MACF1: variants seen among roughly 807,000 people sequenced by gnomAD.
MACF1 encodes microtubule-actin cross-linking factor 1.
Under a neutral mutation model 854.8 loss-of-function variants are expected in MACF1, and 193 were observed. That is an observed-to-expected ratio of 0.23 (90% CI 0.20 to 0.25). The LOEUF (loss-of-function observed/expected upper bound fraction) is 0.25, where lower values mean the gene tolerates loss of function less well. Ranked by LOEUF, MACF1 falls within the 10% of genes least tolerant of loss-of-function variation. The pLI is 1.00. For missense variants in MACF1, 7,722 were observed against 8,929.1 expected, an observed-to-expected ratio of 0.86 and a Z score of 5.45; for synonymous variants, 3,185 against 3,226.7, an observed-to-expected ratio of 0.99 and a Z score of 0.44.
chr1:39,186,424 G>A lies in MACF1; in HGVS notation c.221-44758G>A, dbSNP rs186786908. 4.0e-3 allele frequency among the ~76,000 whole-genome samples: 599 copies of A among 151,642 alleles called. 2 individuals are homozygous for A. Among genetic ancestry groups the A allele is most frequent in the Non-Finnish European group, 6.1e-3 (413 of 67,888 alleles). ...TGGGATTACAGGCACGCGCCACCAC[G>A]CCCGGCCTAGAAATGACTTTTTTAG... On this transcript the variant is annotated intron_variant, in intron 2 of 93. Coordinates refer to the MACF1 transcript ENST00000361689.
intron 2 of MACF1, among the ~76,000 whole-genome samples, chr1:39,118,019 G>A (rs1382720854): frequency 1.4e-4 from 21 of 152,172 alleles, no homozygotes; most frequent in Admixed American, 1.4e-3. Context: ...AGTCATGCAG[G>A]ACCTTTTTGC....
At chr1:39,367,247 A>AT (rs1648800925) in intron 49 of MACF1, among the ~76,000 whole-genome samples, 2 of 151,938 alleles carry the variant, frequency 1.3e-5, no homozygotes, top group Admixed American at 1.3e-4. Flanking sequence ...GTGCCTGGCC[A>AT]TACAAATATA....
chr1:39,431,111 C>T (rs1437556595), intron 66 of MACF1, among the ~76,000 whole-genome samples: 2 of 152,090 alleles, frequency 1.3e-5, no homozygotes, highest in South Asian at 2.1e-4. Flanking sequence ...TACTTGACCC[C>T]TTTGAGTAGA....
chr1:39,092,278 G>A (rs1641827171), intron 2 of MACF1, among the ~76,000 whole-genome samples: 1 of 152,188 alleles, frequency 6.6e-6, no homozygotes, highest in African/African-American at 2.4e-5. Flanking sequence ...AATCTAGACG[G>A]TGGTTTGGGG....
In MACF1 at chr1:39,283,443, A is replaced by G. The variant is rs756765277; in HGVS notation, c.843A>G (p.Val281=). The change falls in exon 9 of 101, where the codon GTA becomes GTG. Residue 281 remains valine, a synonymous_variant. Transcript: ENST00000564288. The surrounding 1 kb of genome is among the most constrained non-coding windows in gnomAD (Gnocchi z 4.5). ...TGCCATCTCCAGATGAAAAGTCTGTAATCACTTATGTGTCTTCGATTTATG... is the reference window on the plus strand; with the variant it reads ...TGCCATCTCCAGATGAAAAGTCTGTGATCACTTATGTGTCTTCGATTTATG... ...VDVPSPDEKS[V]ITYVSSIYDA... is the part of the protein sequence containing the mutation. 15 of 1,612,824 alleles carry G rather than the reference A, an allele frequency of 9.3e-6. No individual in the cohort carries two copies. Among genetic ancestry groups the G allele is most frequent in the Middle Eastern group, 1.7e-4 (1 of 6,060 alleles).
At chr1:39,262,147 A>G (rs1475965731) in intron 6 of MACF1, among the ~76,000 whole-genome samples, 1 of 152,132 alleles carries the variant, frequency 6.6e-6, no homozygotes, top group African/African-American at 2.4e-5. Context: ...CACACCTGTA[A>G]TCCCAGCACT....
Position 39,465,111 on chromosome 1 carries a change from A to G in MACF1, c.21770A>G (p.Gln7257Arg). Residue 7257 changes from glutamine (Q) to arginine (R), a missense_variant and splice_region_variant, in exon 95 of 101, where the codon CAG becomes CGG. Physicochemically the swap from Gln to Arg is conservative, Grantham distance 43 (BLOSUM62 1). Coordinates refer to ENST00000564288, the MANE Select transcript of MACF1 (RefSeq NM_001394062.1). Reference protein sequence around the residue: ...ENKYRFFLGNQFGDSQQLRLV... With the variant: ...ENKYRFFLGNRFGDSQQLRLV... The stretch of plus-strand genomic sequence containing the variant: ...TGTCTATAGTTCTTCCTCGGCAATC[A>G]GGTACAGTGTGCCTTGCAATGTTCT... 6.2e-7 allele frequency: 1 copy of G among 1,612,708 alleles called. No homozygotes were observed.
intron 4 of MACF1, among the ~76,000 whole-genome samples, chr1:39,253,215 G>T (rs189125832): frequency 2.0e-5 from 3 of 152,184 alleles, no homozygotes; most frequent in African/African-American, 7.2e-5. Context: ...CTTGGACGGG[G>T]TACCAGAGGC....
At chr1:39,478,570 C>T (rs1644954990) in intron 97 of MACF1, among the ~76,000 whole-genome samples, 1 of 151,990 alleles carries the variant, frequency 6.6e-6, no homozygotes, top group Non-Finnish European at 1.5e-5. Context: ...TATGTTCTGT[C>T]AACATATAAT....
intron 2 of MACF1, among the ~76,000 whole-genome samples, chr1:39,172,669 A>G (rs1643967963): frequency 6.6e-6 from 1 of 152,192 alleles, no homozygotes; most frequent in African/African-American, 2.4e-5. Flanking sequence ...CCACTCTAAC[A>G]GAGTCCTGGC....
intron 1 of MACF1, among the ~76,000 whole-genome samples, chr1:39,207,468 C>T (rs794637): frequency 0.1 from 15,628 of 151,700 alleles, 2,154 homozygotes; most frequent in African/African-American, 0.32. Flanking sequence ...TTAGTAGAGA[C>T]GGGGTTTCTC....
In MACF1 at chr1:39,382,657, G is replaced by A. The variant is rs527466254; in HGVS notation, c.13848+505G>A. The stretch of plus-strand genomic sequence containing the variant: ...AGGCTGAGGTTGCAGTGTCCTGTCC[G>A]GACAGTAGAGCGTGACTCCGTCTCA... On this transcript the variant is annotated intron_variant, in intron 56 of 100. Coordinates refer to ENST00000564288, the MANE Select transcript of MACF1 (RefSeq NM_001394062.1). Among the ~76,000 whole-genome samples, 31 of 143,342 alleles carry A rather than the reference G, an allele frequency of 2.2e-4. No individual in the cohort carries two copies. The South Asian group carries it at 5.5e-3, about 25-fold the overall frequency. 94.0% of individuals were successfully genotyped at this position (143,342 alleles called of 152,430 possible).
At chr1:39,343,918 C>G (rs1276433602) in intron 40 of MACF1, among the ~76,000 whole-genome samples, 1 of 151,284 alleles carries the variant, frequency 6.6e-6, no homozygotes, top group South Asian at 2.1e-4. Context: ...GAGTTTGAGA[C>G]CAGCCTGACC....
At chr1:39,301,183 G>T (rs1385480952) in intron 22 of MACF1, among the ~76,000 whole-genome samples, 1 of 152,118 alleles carries the variant, frequency 6.6e-6, no homozygotes, top group Non-Finnish European at 1.5e-5. Context: ...CTGGAGTGCA[G>T]TGGCACGATC....
chr1:39,331,113 C>T (rs1441922679), intron 36 of MACF1, 90 bp from the exon 37 acceptor site: 2 of 1,437,276 alleles, frequency 1.4e-6, no homozygotes, highest in African/African-American at 1.4e-5. Context: ...TGAATGACTC[C>T]TTTCAATAGT....
chr1:39,285,337 G>T lies in MACF1; in HGVS notation c.1300G>T (p.Gly434Cys), dbSNP rs1294540741. The T allele has an allele frequency of 1.9e-6, 3 of 1,614,056 alleles. No homozygotes were observed. In the South Asian group the frequency reaches 3.3e-5, roughly 18 times the overall value. ...ACAGATTGCAAACAAAATCCAGAAT[G>T]GTGCTTTGAACTGTGAAGAAAAACT... ...LLQIANKIQNGALNCEEKLTL... is the reference protein window; with the variant it reads ...LLQIANKIQNCALNCEEKLTL... Residue 434 changes from glycine (G) to cysteine (C), a missense_variant, in exon 13 of 101, where the codon GGT becomes TGT. Physicochemically the swap from Gly to Cys is radical, Grantham distance 159. Coordinates refer to ENST00000564288, the MANE Select transcript of MACF1 (RefSeq NM_001394062.1).
chr1:39,170,941 C>A (rs551319144), intron 2 of MACF1, among the ~76,000 whole-genome samples: 1 of 152,178 alleles, frequency 6.6e-6, no homozygotes, highest in Non-Finnish European at 1.5e-5. Flanking sequence ...AGACCTCTTT[C>A]CCTCACGCCA....
Position 39,372,606 on chromosome 1 carries a change from G to A in MACF1, c.13213+10G>A, listed in dbSNP as rs1350884707. 5 of 1,561,100 alleles carry A rather than the reference G, an allele frequency of 3.2e-6. No individual in the cohort carries two copies. Among genetic ancestry groups the A allele is most frequent in the Admixed American group, 1.7e-5 (1 of 59,608 alleles). ...TCCCAAGGCAAGACAGGTGAGTACA[G>A]GCTCTTCAAAATATAGTGAATAAAA... On this transcript the variant is annotated intron_variant, in intron 52 of 100. Coordinates refer to ENST00000564288, the MANE Select transcript of MACF1 (RefSeq NM_001394062.1).
In MACF1 at chr1:39,444,691, A is replaced by G. The variant is rs1054229555; in HGVS notation, c.19461A>G (p.Glu6487=). 1 of 1,613,258 alleles carries G rather than the reference A, an allele frequency of 6.2e-7. No homozygotes were observed. Among genetic ancestry groups the G allele is most frequent in the Non-Finnish European group, 8.5e-7 (1 of 1,179,538 alleles). ...TCTATTCCCAGCTGAAAGCCAAGGA[A>G]GAGACTTATAATCAACTACTTGACA... ...MELYSQLKAK[E]ETYNQLLDKG... The change falls in exon 80 of 101, where the codon GAA becomes GAG. Residue 6487 remains glutamate (E), a synonymous_variant. Transcript: ENST00000564288.
Sources: gnomAD v4.1 joint callset for allele counts (sites outside exome capture counted in the v4.1 genomes callset) on GRCh38, gnomAD v4.1.1 for gene constraint, Gnocchi (gnomAD v3.1) non-coding constraint, MANE v1.5 for transcripts, NCBI Gene and HGNC (gene_info 2026-07-23, HGNC 2026-07-21) for gene names.